The following ADAMTSL1 variants were observed in gnomAD, a reference collection of about 807,000 sequenced individuals.
ADAMTSL1 encodes ADAMTS like 1, also known as ADAMTS-like protein 1.
A neutral mutation model predicts 201.8 loss-of-function variants in ADAMTSL1; 126 were observed. The ratio of observed to expected loss-of-function variants is 0.62; its 90% CI spans 0.54 to 0.72. The LOEUF (loss-of-function observed/expected upper bound fraction) is 0.72. Among genes scored for constraint, ADAMTSL1 ranks in the 30% least tolerant of loss-of-function variants. ADAMTSL1 has a pLI of 0.00. For synonymous variants in ADAMTSL1, 1,121 were observed against 903.4 expected (o/e 1.24, Z -4.32); for missense variants, 2,679 against 2,277.8 (o/e 1.18, Z -3.59).
intron 1 of ADAMTSL1, among the ~76,000 whole-genome samples, chr9:18,096,541 C>T (rs1824261529): frequency 6.6e-6 from 1 of 152,204 alleles, no homozygotes. Context: ...GGATAGTGCA[C>T]TTCAGATGTT....
chr9:18,218,825 C>T (rs1830148766), intron 2 of ADAMTSL1, among the ~76,000 whole-genome samples: 2 of 151,876 alleles, frequency 1.3e-5, no homozygotes, highest in African/African-American at 4.8e-5. Context: ...GTAAAAACCT[C>T]TTCTCTGTAT....
chr9:18,022,912 A>T (rs1820537724), intron 1 of ADAMTSL1, among the ~76,000 whole-genome samples: 1 of 152,022 alleles, frequency 6.6e-6, no homozygotes, highest in Non-Finnish European at 1.5e-5. Context: ...AGTGATCAAG[A>T]TCACCAGCTC....
intron 23 of ADAMTSL1, among the ~76,000 whole-genome samples, chr9:18,843,491 G>A (rs1229991238): frequency 1.3e-5 from 2 of 150,600 alleles, no homozygotes; most frequent in Non-Finnish European, 2.9e-5. Context: ...TTCAACTTTG[G>A]TGAATCTGAC....
rs146450208 is a variant in ADAMTSL1 at position 18,585,144 on chromosome 9, T to C, written c.474+10878T>C. Among the ~76,000 whole-genome samples, 1,245 of 152,298 alleles carry C rather than the reference T, an allele frequency of 8.2e-3. 16 individuals are homozygous for C. Among genetic ancestry groups the C allele is most frequent in the African/African-American group, 0.029 (1,199 of 41,554 alleles). ...ATTTTTGTCACCGTAGCTGGGTCTT[T>C]TGTGTATTCAAGTATTATTTTTATT... On this transcript the variant is annotated intron_variant, in intron 4 of 28. Coordinates refer to ENST00000380548, the MANE Select transcript of ADAMTSL1 (RefSeq NM_001040272.6).
At position 18,400,556 on chromosome 9, in the gene ADAMTSL1, G is replaced by A. The variant is rs549019541; in HGVS notation, c.208-104273G>A. ...CAGGAAATCAAGTAAATTTTATTTT[G>A]TACTTTTCATAAAAATGTATGATGT... On this transcript the variant is annotated intron_variant, in intron 2 of 29. Coordinates refer to the ADAMTSL1 transcript ENST00000680146. Among the ~76,000 whole-genome samples, 6 of 152,150 alleles carry A rather than the reference G, an allele frequency of 3.9e-5. 1 individual carries two copies. Among genetic ancestry groups the A allele is most frequent in the African/African-American group, 2.4e-5 (1 of 41,506 alleles).
At chr9:18,790,972 G>T (rs1304729276) in intron 19 of ADAMTSL1, among the ~76,000 whole-genome samples, 1 of 152,060 alleles carries the variant, frequency 6.6e-6, no homozygotes, top group African/African-American at 2.4e-5. Context: ...CAGCTCCAAA[G>T]GAATCCTATA....
chr9:18,570,084 C>T (rs1822196979), intron 3 of ADAMTSL1, among the ~76,000 whole-genome samples: 1 of 152,000 alleles, frequency 6.6e-6, no homozygotes, highest in African/African-American at 2.4e-5. Context: ...AAGAGTCAGG[C>T]ACAGTGACTC....
chr9:18,800,788 C>T (rs1822744291), intron 20 of ADAMTSL1, among the ~76,000 whole-genome samples: 1 of 152,110 alleles, frequency 6.6e-6, no homozygotes, highest in African/African-American at 2.4e-5. Context: ...TTAGTGGTTT[C>T]TAGAGAGGCC....
At chr9:17,985,129 G>A (rs966316833) in intron 1 of ADAMTSL1, among the ~76,000 whole-genome samples, 2 of 152,104 alleles carry the variant, frequency 1.3e-5, no homozygotes, top group Non-Finnish European at 2.9e-5. Flanking sequence ...TTGAGGCACA[G>A]TTTAAGTTTT....
intron 2 of ADAMTSL1, among the ~76,000 whole-genome samples, chr9:18,292,456 G>A (rs1389397522): frequency 6.6e-6 from 1 of 152,170 alleles, no homozygotes; most frequent in Non-Finnish European, 1.5e-5. Flanking sequence ...TGGATTGAAG[G>A]ATGTAAAGTA....
At position 18,826,978 on chromosome 9, in the gene ADAMTSL1, A is replaced by C. The variant is rs145826172; in HGVS notation, c.4114+515A>C. ...TAAACATAAGAACCCCTGATTAAAGACTCTGGCATGGCTCCTGGTATAAAA... is the reference window on the plus strand; with the variant it reads ...TAAACATAAGAACCCCTGATTAAAGCCTCTGGCATGGCTCCTGGTATAAAA... On this transcript the variant is annotated intron_variant, in intron 22 of 28. Transcript: ENST00000380548. Among the ~76,000 whole-genome samples, 887 of 152,128 alleles carry C rather than the reference A, an allele frequency of 5.8e-3. 4 individuals are homozygous for C. Among genetic ancestry groups the C allele is most frequent in the Non-Finnish European group, 9.6e-3 (652 of 68,008 alleles).
chr9:18,478,813 C>A (rs926311782), intron 1 of ADAMTSL1, among the ~76,000 whole-genome samples: 1 of 152,196 alleles, frequency 6.6e-6, no homozygotes, highest in African/African-American at 2.4e-5. Context: ...GAAAATGTGT[C>A]TAAATCAAGT....
chr9:18,243,070 T>C (rs557684771), intron 2 of ADAMTSL1, among the ~76,000 whole-genome samples: 1 of 152,262 alleles, frequency 6.6e-6, no homozygotes, highest in East Asian at 1.9e-4. Flanking sequence ...TTACACTTTC[T>C]GATTTAAAAT....
intron 26 of ADAMTSL1, among the ~76,000 whole-genome samples, chr9:18,897,118 T>G (rs1224795164): frequency 6.6e-6 from 1 of 152,160 alleles, no homozygotes; most frequent in Admixed American, 6.5e-5. Context: ...CTGTGCCAGA[T>G]AGTGGCCAGA....
chr9:18,243,592 G>A (rs974433772), intron 2 of ADAMTSL1, among the ~76,000 whole-genome samples: 1 of 151,918 alleles, frequency 6.6e-6, no homozygotes, highest in Non-Finnish European at 1.5e-5. Context: ...TGTTCATCCT[G>A]CCTTTCCCTC....
intron 15 of ADAMTSL1, among the ~76,000 whole-genome samples, chr9:18,722,469 C>G (rs1463389712): frequency 6.6e-6 from 1 of 152,190 alleles, no homozygotes; most frequent in Non-Finnish European, 1.5e-5. Flanking sequence ...GATAGTTTTT[C>G]TCTTTCTGCA....
chr9:18,586,258 A>T (rs562594206), intron 4 of ADAMTSL1, among the ~76,000 whole-genome samples: 2 of 152,314 alleles, frequency 1.3e-5, no homozygotes, highest in East Asian at 3.9e-4. Flanking sequence ...ATATAAAATC[A>T]TTGTACAAAA....
At chr9:17,988,972 A>G (rs13287016) in intron 1 of ADAMTSL1, among the ~76,000 whole-genome samples, 1 of 151,932 alleles carries the variant, frequency 6.6e-6, no homozygotes, top group Non-Finnish European at 1.5e-5. Flanking sequence ...TAAGAACAAA[A>G]TGATTTTTGT....
intron 13 of ADAMTSL1, among the ~76,000 whole-genome samples, chr9:18,690,972 A>C (rs952012500): frequency 6.6e-6 from 1 of 152,238 alleles, no homozygotes; most frequent in Non-Finnish European, 1.5e-5. Flanking sequence ...CAGGTATTGC[A>C]AAAATAACCA....
Sources: allele counts gnomAD v4.1 joint callset (sites outside exome capture counted in the v4.1 genomes callset), GRCh38; gene constraint gnomAD v4.1.1; transcripts MANE v1.5; gene names NCBI Gene and HGNC (gene_info 2026-07-23, HGNC 2026-07-21).